The following ASCC3 variants were observed in gnomAD, a reference collection of about 807,000 sequenced individuals.
ASCC3 encodes ASC-1 complex subunit P200.
Under a neutral mutation model 256.3 loss-of-function variants are expected in ASCC3, and 158 were observed. That is an observed-to-expected ratio of 0.62 (90% CI 0.54 to 0.70). The LOEUF (loss-of-function observed/expected upper bound fraction) is 0.70, where lower values mean the gene tolerates loss of function less well. Ranked by LOEUF, ASCC3 falls within the 30% of genes least tolerant of loss-of-function variation. ASCC3 has a pLI of 0.00. For synonymous variants in ASCC3, 948 were observed against 883.4 expected, an observed-to-expected ratio of 1.07 and a Z score of -1.30; for missense variants, 2,259 against 2,626.0, an observed-to-expected ratio of 0.86 and a Z score of 3.05.
At chr6:100,695,819 C>T (rs919267320) in intron 13 of ASCC3, among the ~76,000 whole-genome samples, 1 of 152,150 alleles carries the variant, frequency 6.6e-6, no homozygotes, top group Non-Finnish European at 1.5e-5. Flanking sequence ...TGTGGTGCAA[C>T]CCATGCACAT....
At chr6:100,616,224 A>G (rs914108790) in intron 30 of ASCC3, among the ~76,000 whole-genome samples, 1 of 152,190 alleles carries the variant, frequency 6.6e-6, no homozygotes, top group African/African-American at 2.4e-5. Context: ...AAGCAAAACT[A>G]TAGTTCATCT....
chr6:100,878,144 T>C (rs1769080029), intron 1 of ASCC3, among the ~76,000 whole-genome samples: 1 of 152,224 alleles, frequency 6.6e-6, no homozygotes, highest in Non-Finnish European at 1.5e-5. Context: ...CAATTGCTCC[T>C]GAATAGTTCT....
chr6:100,847,292 A>G (rs705594), intron 4 of ASCC3, among the ~76,000 whole-genome samples: 30,128 of 152,088 alleles, frequency 0.2, 3,268 homozygotes, highest in African/African-American at 0.26. Flanking sequence ...TTTTAAAACA[A>G]TATTATGTTC....
intron 36 of ASCC3, among the ~76,000 whole-genome samples, chr6:100,552,583 T>C (rs923091263): frequency 1.3e-5 from 2 of 152,048 alleles, no homozygotes; most frequent in Admixed American, 1.3e-4. Flanking sequence ...ATTAGGTTTC[T>C]TTTAAATCCA....
chr6:100,633,205 G>A (rs1176417195), intron 25 of ASCC3, among the ~76,000 whole-genome samples: 1 of 152,048 alleles, frequency 6.6e-6, no homozygotes, highest in Non-Finnish European at 1.5e-5. Flanking sequence ...TAAGTAGCAT[G>A]ATGGAATCTC....
intron 13 of ASCC3, among the ~76,000 whole-genome samples, chr6:100,688,496 C>A (rs1777689447): frequency 6.6e-6 from 1 of 152,110 alleles, no homozygotes; most frequent in South Asian, 2.1e-4. Context: ...AAAATAGAAA[C>A]TCTCATACCT....
intron 37 of ASCC3, chr6:100,530,881 A>T (rs1409011213): frequency 1.2e-5 from 15 of 1,274,528 alleles, no homozygotes; most frequent in South Asian, 4.8e-5. Context: ...TTTTTGTGGA[A>T]CATCACAAAC....
chr6:100,688,070 T>C (rs1337633680), intron 13 of ASCC3, among the ~76,000 whole-genome samples: 1 of 152,058 alleles, frequency 6.6e-6, no homozygotes, highest in African/African-American at 2.4e-5. Context: ...AGAAGTATTT[T>C]AAACTTAACA....
chr6:100,616,992 CGTTGTT>C lies in ASCC3; in HGVS notation c.4785+8194_4785+8199del, dbSNP rs141000454. The stretch of plus-strand genomic sequence containing the variant: ...AGTATTCTGAACTTTTTGTTGTTGT[CGTTGTT>C]GTTGTTGTTGTTGTTGTTGTTGTTG... On this transcript the variant is annotated intron_variant, in intron 30 of 41. Transcript: ENST00000369162. Among the ~76,000 whole-genome samples the C allele has an allele frequency of 0.012, 1,822 of 151,194 alleles. 76 individuals carry two copies. The East Asian group carries it at 0.14, about 12-fold the overall frequency.
intron 36 of ASCC3, among the ~76,000 whole-genome samples, chr6:100,570,105 T>C (rs943928372): frequency 6.6e-6 from 1 of 152,128 alleles, no homozygotes; most frequent in Non-Finnish European, 1.5e-5. Context: ...TGTAGAGAAA[T>C]GTTACTGATT....
intron 37 of ASCC3, among the ~76,000 whole-genome samples, chr6:100,528,967 C>T (rs1162047505): frequency 2.6e-5 from 4 of 152,120 alleles, no homozygotes; most frequent in Admixed American, 2.6e-4. Context: ...AGGCAAGGAA[C>T]CTCTGAGATT....
rs1210320714 is a variant in ASCC3 at position 100,520,428 on chromosome 6, CTTCTTCT to C, written c.5776-2293_5776-2287del. Among the ~76,000 whole-genome samples the C allele has an allele frequency of 3.0e-3, 461 of 151,684 alleles. 2 individuals are homozygous for C. The highest frequency in any genetic ancestry group is 0.011 in the African/African-American group (441 of 41,294). ...CTTTAAATGTTTCCTTCTTCTCCTT[CTTCTTCT>C]TTTTTTTTTTTCTTTTTTTAAACAA... On this transcript the variant is annotated intron_variant, in intron 37 of 41. Coordinates refer to ENST00000369162, the MANE Select transcript of ASCC3 (RefSeq NM_006828.4).
At chr6:100,780,362 C>G (rs1782385139) in intron 8 of ASCC3, among the ~76,000 whole-genome samples, 1 of 152,086 alleles carries the variant, frequency 6.6e-6, no homozygotes, top group African/African-American at 2.4e-5. Context: ...AGATTACATT[C>G]AGGGAAAATC....
intron 10 of ASCC3, among the ~76,000 whole-genome samples, chr6:100,750,568 A>G (rs1780892404): frequency 1.3e-5 from 2 of 151,946 alleles, no homozygotes; most frequent in Admixed American, 1.3e-4. Context: ...CATGAAATGC[A>G]TTTACCCCAG....
In ASCC3 at chr6:100,530,906, G is replaced by A. The variant is rs1459306047; in HGVS notation, c.5775+9257C>T. The A allele has an allele frequency of 2.3e-6, 3 of 1,297,372 alleles. No individual in the cohort carries two copies. The African/African-American group carries it at 4.4e-5, about 19-fold the overall frequency. The allele number at this position is 1,297,372 out of a possible 1,614,324, so 80.4% of individuals were successfully genotyped here. A position where few individuals can be genotyped will look rare whatever the true frequency, so the allele number is the denominator to read the frequency against. On this transcript the variant is annotated intron_variant, in intron 37 of 41. Coordinates refer to ENST00000369162, the MANE Select transcript of ASCC3 (RefSeq NM_006828.4). ...ACATCACAAACAATCAATACCAAAA[G>A]ACACTTGGAATCTTCTTTTAGACTT...
intron 25 of ASCC3, 51 bp from the exon 26 acceptor site, chr6:100,631,264 T>C: frequency 7.0e-7 from 1 of 1,429,562 alleles, no homozygotes; most frequent in East Asian, 2.3e-5. Flanking sequence ...AGTGATAGCA[T>C]TTTGAAATAA....
chr6:100,737,424 C>T (rs568420797), intron 10 of ASCC3, among the ~76,000 whole-genome samples: 13 of 152,074 alleles, frequency 8.5e-5, no homozygotes, highest in Non-Finnish European at 1.5e-4. Context: ...GTTCCCCTAC[C>T]TGTGTCTATG....
intron 8 of ASCC3, among the ~76,000 whole-genome samples, chr6:100,770,055 T>A (rs1176989957): frequency 6.6e-6 from 1 of 151,130 alleles, no homozygotes; most frequent in African/African-American, 2.4e-5. Flanking sequence ...TTAAACTATT[T>A]CAAAAAAAAT....
chr6:100,590,967 C>T (rs1017975932), intron 34 of ASCC3, among the ~76,000 whole-genome samples: 20 of 152,038 alleles, frequency 1.3e-4, no homozygotes, highest in African/African-American at 4.8e-4. Flanking sequence ...ATATGAGAGG[C>T]CCCATTACAT....
Sources: gnomAD v4.1 joint callset for allele counts (sites outside exome capture counted in the v4.1 genomes callset) on GRCh38, gnomAD v4.1.1 for gene constraint, MANE v1.5 for transcripts, NCBI Gene and HGNC (gene_info 2026-07-23, HGNC 2026-07-21) for gene names.